MFHAS1: variants seen among roughly 807,000 people sequenced by gnomAD.
The protein encoded by MFHAS1 is malignant fibrous histiocytoma-amplified sequence 1.
MFHAS1 carries 50 observed loss-of-function variants against 70.4 expected under a neutral mutation model. That is an observed-to-expected ratio of 0.71 (90% CI 0.57 to 0.90). The LOEUF (loss-of-function observed/expected upper bound fraction) is 0.90. Among genes scored for constraint, MFHAS1 ranks in the 40% least tolerant of loss-of-function variants. The probability of loss-of-function intolerance (pLI) is 0.00; values close to 1 mark genes in which losing one functional copy is unlikely to be tolerated. For synonymous variants in MFHAS1, 952 were observed against 620.0 expected (o/e 1.54, Z -7.96); for missense variants, 1,795 against 1,347.6 (o/e 1.33, Z -5.20).
At chr8:8,847,320 T>C (rs532651289) in intron 1 of MFHAS1, among the ~76,000 whole-genome samples, 1 of 152,300 alleles carries the variant, frequency 6.6e-6, no homozygotes, top group South Asian at 2.1e-4. Flanking sequence ...TAGCTGGGAT[T>C]AGAGGAATGT....
chr8:8,790,408 T>G (rs1482425353), intron 2 of MFHAS1: 1 of 983,902 alleles, frequency 1.0e-6, no homozygotes, highest in African/African-American at 1.7e-5. Flanking sequence ...CTTTTCCACT[T>G]AATTTTCCAA....
intron 1 of MFHAS1, among the ~76,000 whole-genome samples, chr8:8,868,571 G>A (rs979252729): frequency 7.9e-5 from 12 of 151,712 alleles, no homozygotes; most frequent in South Asian, 2.1e-4. Context: ...CCAACTACTC[G>A]GATCTTTGCC....
chr8:8,849,064 CTTTTTTTTTTTTTTTT>C lies in MFHAS1; in HGVS notation c.2998+40981_2998+40996del, dbSNP rs145250762. The stretch of plus-strand genomic sequence containing the variant: ...TCTGCAGCAATTAATTCCTTTTTAC[CTTTTTTTTTTTTTTTT>C]TTTTTTTTTTTTTTTGGAGACATAG... On this transcript the variant is annotated intron_variant, in intron 1 of 2. Transcript: ENST00000276282. Among the ~76,000 whole-genome samples, 88 of 75,808 alleles carry C rather than the reference CTTTTTTTTTTTTTTTT, an allele frequency of 1.2e-3. 1 individual carries two copies. In the East Asian group the frequency reaches 0.037, roughly 32 times the overall value. The allele number at this position is 75,808 out of a possible 152,430, so 49.7% of individuals were successfully genotyped here.
chr8:8,852,859 G>A (rs1035996771), intron 1 of MFHAS1, among the ~76,000 whole-genome samples: 6 of 152,178 alleles, frequency 3.9e-5, no homozygotes, highest in Non-Finnish European at 2.9e-5. Context: ...TAGCCCCGAT[G>A]AGTCAAATTT....
At chr8:8,802,310 G>C (rs763753448) in intron 1 of MFHAS1, among the ~76,000 whole-genome samples, 1 of 152,182 alleles carries the variant, frequency 6.6e-6, no homozygotes, top group African/African-American at 2.4e-5. Context: ...CAGATATCCT[G>C]TGTCAAGGAT....
chr8:8,812,798 C>T (rs1207524068), intron 1 of MFHAS1, among the ~76,000 whole-genome samples: 1 of 90,178 alleles, frequency 1.1e-5, no homozygotes, highest in Non-Finnish European at 2.0e-5. Context: ...TATAGAGTCT[C>T]GCTGTCACCC....
At chr8:8,793,794 G>A (rs568177324) in intron 2 of MFHAS1, among the ~76,000 whole-genome samples, 1 of 152,346 alleles carries the variant, frequency 6.6e-6, no homozygotes, top group Non-Finnish European at 1.5e-5. Flanking sequence ...AGAAAGTCGT[G>A]TACACACGTT....
intron 1 of MFHAS1, among the ~76,000 whole-genome samples, chr8:8,818,990 T>C (rs561306046): frequency 2.6e-5 from 4 of 152,348 alleles, no homozygotes; most frequent in South Asian, 2.1e-4. Flanking sequence ...TGTCAAAGAA[T>C]ACAATCTCGA....
rs1297934852 is a variant in MFHAS1, at chr8:8,892,694, C to A, written c.365G>T (p.Arg122Leu). Residue 122 changes from arginine to leucine, a missense_variant, in exon 1 of 3, where the codon CGG becomes CTG. By Grantham distance (102) the Arg-to-Leu change is moderately radical (BLOSUM62 -2). Transcript: ENST00000276282. The surrounding 1 kb of genome is among the most constrained non-coding windows in gnomAD (Gnocchi z 4.7). ...HLTELDVSHN[R>L]LTALGAEVVS... The stretch of plus-strand genomic sequence containing the variant: ...CACCTCCGCGCCCAGGGCGGTCAGC[C>A]GGTTGTGGCTCACGTCCAGCTCGGT... The A allele has an allele frequency of 7.0e-7, 1 of 1,424,182 alleles. No individual in the cohort carries two copies. The highest frequency in any genetic ancestry group is 9.4e-7 in the Non-Finnish European group (1 of 1,066,406). 88.2% of individuals were successfully genotyped at this position (1,424,182 alleles called of 1,614,324 possible). A position where few individuals can be genotyped will look rare whatever the true frequency, so the allele number is the denominator to read the frequency against.
intron 1 of MFHAS1, among the ~76,000 whole-genome samples, chr8:8,813,794 C>T (rs1262321979): frequency 6.6e-6 from 1 of 152,044 alleles, no homozygotes; most frequent in Non-Finnish European, 1.5e-5. Flanking sequence ...TTGGATGTGG[C>T]CTAAATGTAC....
chr8:8,871,065 A>G (rs1809057389), intron 1 of MFHAS1, among the ~76,000 whole-genome samples: 1 of 152,054 alleles, frequency 6.6e-6, no homozygotes, highest in South Asian at 2.1e-4. Flanking sequence ...ATGGGTGACA[A>G]GCTATTGCCT....
intron 1 of MFHAS1, among the ~76,000 whole-genome samples, chr8:8,857,225 C>T (rs751968082): frequency 3.9e-5 from 6 of 152,072 alleles, no homozygotes; most frequent in Admixed American, 6.6e-5. Flanking sequence ...CAATAAATTC[C>T]GCGTGTGGCC....
At chr8:8,852,940 G>T (rs1808300725) in intron 1 of MFHAS1, among the ~76,000 whole-genome samples, 1 of 152,130 alleles carries the variant, frequency 6.6e-6, no homozygotes, top group African/African-American at 2.4e-5. Context: ...ATTTCCATAA[G>T]AACATTTATA....
At chr8:8,861,702 A>C (rs77914229) in intron 1 of MFHAS1, among the ~76,000 whole-genome samples, 7,145 of 152,238 alleles carry the variant, frequency 0.047, 259 homozygotes, top group East Asian at 0.15. Context: ...CGTCACCACA[A>C]AAAGGTTCTC....
At chr8:8,876,509 C>G (rs543106745) in intron 1 of MFHAS1, among the ~76,000 whole-genome samples, 1 of 152,016 alleles carries the variant, frequency 6.6e-6, no homozygotes, top group South Asian at 2.1e-4. Context: ...ATGAGGCAGG[C>G]AGACTGCCTC....
chr8:8,866,861 T>G (rs1186054561), intron 1 of MFHAS1, among the ~76,000 whole-genome samples: 2 of 152,222 alleles, frequency 1.3e-5, no homozygotes, highest in Non-Finnish European at 2.9e-5. Flanking sequence ...AATCGTGATA[T>G]GAATTCATGA....
At chr8:8,831,206 G>A (rs1807373728) in intron 1 of MFHAS1, among the ~76,000 whole-genome samples, 2 of 151,838 alleles carry the variant, frequency 1.3e-5, no homozygotes, top group East Asian at 1.9e-4. Context: ...CCACCCTCAT[G>A]ATCTCATTTA....
In MFHAS1 at chr8:8,790,486, ATAAT is replaced by A. The variant is rs578207508; in HGVS notation, c.3126-4435_3126-4432del. ...ATCAATGTGGCTGACGGGAGACTAA[ATAAT>A]TAAAGAAACACAATTCCTCCTAGCT... On this transcript the variant is annotated intron_variant, in intron 2 of 2. Transcript: ENST00000276282. The A allele has an allele frequency of 6.3e-3, 3,241 of 514,350 alleles. 13 individuals are homozygous for A. Among genetic ancestry groups the A allele is most frequent in the Admixed American group, 7.7e-3 (120 of 15,678 alleles). 31.9% of individuals were successfully genotyped at this position (514,350 alleles called of 1,614,324 possible).
At chr8:8,849,890 A>C (rs1489693709) in intron 1 of MFHAS1, among the ~76,000 whole-genome samples, 2 of 152,240 alleles carry the variant, frequency 1.3e-5, no homozygotes, top group Non-Finnish European at 2.9e-5. Context: ...AAGAAAATGT[A>C]CTTTCCTTTA....
Sources: gnomAD v4.1 joint callset for allele counts (sites outside exome capture counted in the v4.1 genomes callset) on GRCh38, gnomAD v4.1.1 for gene constraint, Gnocchi (gnomAD v3.1) non-coding constraint, MANE v1.5 for transcripts, NCBI Gene and HGNC (gene_info 2026-07-23, HGNC 2026-07-21) for gene names.